CPEB3: variants seen among roughly 807,000 people sequenced by gnomAD.
CPEB3 encodes the protein cytoplasmic polyadenylation element-binding protein 3.
Under a neutral mutation model 67.2 loss-of-function variants are expected in CPEB3, and 20 were observed. That is an observed-to-expected ratio of 0.30 (90% CI 0.21 to 0.43). The LOEUF (loss-of-function observed/expected upper bound fraction) is 0.43. Among genes scored for constraint, CPEB3 ranks in the 20% least tolerant of loss-of-function variants. The probability of loss-of-function intolerance (pLI) is 1.00; values close to 1 mark genes in which losing one functional copy is unlikely to be tolerated. For missense variants in CPEB3, 746 were observed against 968.6 expected (o/e 0.77, Z 3.05); for synonymous variants, 376 against 393.1 (o/e 0.96, Z 0.51).
intron 6 of CPEB3, among the ~76,000 whole-genome samples, chr10:92,128,761 C>A (rs1337443862): frequency 6.6e-6 from 1 of 152,178 alleles, no homozygotes; most frequent in Non-Finnish European, 1.5e-5. Context: ...TATCGCTGAT[C>A]ATTAGAGAAA....
chr10:92,194,207 C>T (rs981730825), intron 2 of CPEB3, among the ~76,000 whole-genome samples: 1 of 151,278 alleles, frequency 6.6e-6, no homozygotes, highest in African/African-American at 2.4e-5. Context: ...TTTGGGAGGC[C>T]GAGGTAGGCA....
intron 3 of CPEB3, among the ~76,000 whole-genome samples, chr10:92,181,587 G>T (rs1848465573): frequency 6.6e-6 from 1 of 152,096 alleles, no homozygotes; most frequent in Non-Finnish European, 1.5e-5. Context: ...ACTAACTAGT[G>T]ATATGACCTT....
At chr10:92,072,637 C>T (rs2133143868) in intron 9 of CPEB3, among the ~76,000 whole-genome samples, 1 of 152,320 alleles carries the variant, frequency 6.6e-6, no homozygotes, top group Middle Eastern at 3.4e-3. Context: ...GGAATAGACC[C>T]AGATCTCTGA....
chr10:92,144,400 A>T (rs925756542), intron 5 of CPEB3, among the ~76,000 whole-genome samples: 1 of 152,072 alleles, frequency 6.6e-6, no homozygotes, highest in African/African-American at 2.4e-5. Context: ...CCTCCCAAGT[A>T]GCTGGGAGTA....
chr10:92,133,097 A>G (rs1845921651), intron 6 of CPEB3, among the ~76,000 whole-genome samples: 1 of 152,342 alleles, frequency 6.6e-6, no homozygotes, highest in Middle Eastern at 3.4e-3. Context: ...CTAACATCAC[A>G]ATTAAAAGAA....
intron 1 of CPEB3, among the ~76,000 whole-genome samples, chr10:92,246,587 C>T (rs1852079240): frequency 6.6e-6 from 1 of 151,226 alleles, no homozygotes; most frequent in Non-Finnish European, 1.5e-5. Context: ...GGGCTCACTG[C>T]AACCTCCGCC....
chr10:92,251,876 G>T (rs1486751540), intron 1 of CPEB3, among the ~76,000 whole-genome samples: 1 of 151,506 alleles, frequency 6.6e-6, no homozygotes, highest in Non-Finnish European at 1.5e-5. Flanking sequence ...AGGAGGGAGA[G>T]GTTGCAGTGA....
At chr10:92,113,113 A>G (rs1259862022) in intron 6 of CPEB3, among the ~76,000 whole-genome samples, 1 of 152,210 alleles carries the variant, frequency 6.6e-6, no homozygotes, top group African/African-American at 2.4e-5. Flanking sequence ...AAGGCACCAA[A>G]TTGAATGGGC....
rs375026151 is a variant in CPEB3, at chr10:92,094,384, C to T, written c.1573-2440G>A. Among the ~76,000 whole-genome samples the T allele has an allele frequency of 5.5e-3, 833 of 151,900 alleles. 4 individuals carry two copies. Among genetic ancestry groups the T allele is most frequent in the Middle Eastern group, 0.051 (15 of 294 alleles). ...TTGGGAGGCCGAGGCAGGCGGATCA[C>T]GAGGTCAGGAGATCGAGACCATCCT... is the stretch of plus-strand genomic sequence containing the variant. On this transcript the variant is annotated intron_variant, in intron 7 of 9. Coordinates refer to ENST00000265997, the MANE Select transcript of CPEB3 (RefSeq NM_014912.5).
At chr10:92,055,405 C>G (rs1029892654) in intron 9 of CPEB3, among the ~76,000 whole-genome samples, 1 of 152,186 alleles carries the variant, frequency 6.6e-6, no homozygotes, top group African/African-American at 2.4e-5. Context: ...TTCCAGAAAC[C>G]AGGCACTTCT....
intron 2 of CPEB3, among the ~76,000 whole-genome samples, chr10:92,218,428 A>G (rs1485443343): frequency 1.3e-5 from 2 of 152,154 alleles, no homozygotes. Context: ...ACAGACAAAC[A>G]AACACCAAAA....
chr10:92,080,554 C>T (rs945609914), intron 9 of CPEB3, among the ~76,000 whole-genome samples: 1 of 151,696 alleles, frequency 6.6e-6, no homozygotes, highest in African/African-American at 2.4e-5. Flanking sequence ...GGAAAAGCAG[C>T]TATTTGACTC....
At chr10:92,099,497 C>T (rs855712) in intron 7 of CPEB3, among the ~76,000 whole-genome samples, 1,979 of 152,066 alleles carry the variant, frequency 0.013, 46 homozygotes, top group African/African-American at 0.046. Flanking sequence ...ATGATAACAT[C>T]ATTTCCTAAA....
chr10:92,174,520 GGTGA>G (rs1159272702), intron 4 of CPEB3, among the ~76,000 whole-genome samples: 1 of 152,074 alleles, frequency 6.6e-6, no homozygotes, highest in African/African-American at 2.4e-5. Flanking sequence ...CTTCTAAAGA[GGTGA>G]GTGTCTTTTT....
intron 2 of CPEB3, among the ~76,000 whole-genome samples, chr10:92,211,114 T>G (rs1228571385): frequency 6.6e-6 from 1 of 152,166 alleles, no homozygotes. Context: ...ATGAAATATC[T>G]TATAAGTGAG....
At position 92,258,019 on chromosome 10, in the gene CPEB3, C is replaced by T. The variant is rs557473183; in HGVS notation, c.-11-17658G>A. Among the ~76,000 whole-genome samples the T allele has an allele frequency of 1.7e-4, 26 of 151,974 alleles. No homozygotes were observed. The South Asian group carries it at 5.2e-3, about 30-fold the overall frequency. ...TGCTGGGATTACAAGCGTGAGTTAT[C>T]GTGCCCGGCCTCTCAACTCTTTCAA... On this transcript the variant is annotated intron_variant, in intron 1 of 9. Coordinates refer to ENST00000265997, the MANE Select transcript of CPEB3 (RefSeq NM_014912.5).
chr10:92,106,834 A>G (rs982065532), intron 7 of CPEB3, among the ~76,000 whole-genome samples: 2 of 150,432 alleles, frequency 1.3e-5, no homozygotes, highest in East Asian at 1.9e-4. Context: ...AAAAAAAAAA[A>G]AAAAAAGAAA....
rs996212079 is a variant in CPEB3, at chr10:92,049,531, A to G, written c.*2681T>C. ...AAACTAAAAAAGTTCTCTTTAAAAA[A>G]ATACAAACAGAAGAACTCTTTCACA... On this transcript the variant is annotated 3_prime_UTR_variant, in exon 10 of 10. Transcript: ENST00000265997. The G allele has an allele frequency of 6.5e-6, 1 of 152,702 alleles. No homozygotes were observed. The highest frequency in any genetic ancestry group is 2.4e-5 in the African/African-American group (1 of 41,472). The allele number at this position is 152,702 out of a possible 1,614,324, so 9.5% of individuals were successfully genotyped here.
At chr10:92,103,920 G>A (rs1354951167) in intron 7 of CPEB3, among the ~76,000 whole-genome samples, 1 of 152,172 alleles carries the variant, frequency 6.6e-6, no homozygotes, top group Non-Finnish European at 1.5e-5. Context: ...TAAAACTCTT[G>A]AGAGGAATGT....
Sources: gnomAD v4.1 joint callset for allele counts (sites outside exome capture counted in the v4.1 genomes callset) on GRCh38, gnomAD v4.1.1 for gene constraint, MANE v1.5 for transcripts, NCBI Gene and HGNC (gene_info 2026-07-23, HGNC 2026-07-21) for gene names.